The following NPAS2 variants were observed in gnomAD, a reference collection of about 807,000 sequenced individuals.
NPAS2 encodes neuronal PAS domain protein 2.
In NPAS2, 23 loss-of-function variants were observed where a neutral mutation model predicts 107.5. The ratio of observed to expected loss-of-function variants is 0.21; its 90% CI spans 0.15 to 0.30. The LOEUF (loss-of-function observed/expected upper bound fraction) is 0.30, where lower values mean the gene tolerates loss of function less well. NPAS2 is among the 10% of genes least tolerant of loss of function. The pLI is 1.00. For synonymous variants in NPAS2, 403 were observed against 417.5 expected, an observed-to-expected ratio of 0.97 and a Z score of 0.42; for missense variants, 756 against 1,043.3, an observed-to-expected ratio of 0.72 and a Z score of 3.79.
intron 19 of NPAS2, among the ~76,000 whole-genome samples, 200 bp downstream of exon 19, chr2:100,991,072 G>T (rs1023677673): frequency 6.6e-6 from 1 of 152,170 alleles, no homozygotes; most frequent in South Asian, 2.1e-4. Flanking sequence ...AAAACTCAGC[G>T]CTCCATGCTT....
At chr2:100,929,285 A>C (rs66691607) in intron 3 of NPAS2, among the ~76,000 whole-genome samples, 22,713 of 152,140 alleles carry the variant, frequency 0.15, 1,906 homozygotes, top group South Asian at 0.18. Context: ...GACAGCCAGG[A>C]AAATGTGGAA....
At chr2:100,934,267 A>G (rs887434782) in intron 4 of NPAS2, 3 of 151,970 alleles carry the variant, frequency 2.0e-5, no homozygotes, top group African/African-American at 7.2e-5. Context: ...TAGTTAAAAC[A>G]CATAACCCTA....
Position 100,933,621 on chromosome 2 carries a change from G to A in NPAS2, c.273+620G>A, listed in dbSNP as rs957559400. On this transcript the variant is annotated intron_variant, in intron 4 of 20. Transcript: ENST00000335681. ...GGGCCGTATTTGTGAAAACCTGGCT[G>A]ATCTAAATGAGTCCCTTTCCTCAAC... Among the ~76,000 whole-genome samples, 42 of 152,164 alleles carry A rather than the reference G, an allele frequency of 2.8e-4. 1 individual carries two copies. The highest frequency in any genetic ancestry group is 9.9e-4 in the African/African-American group (41 of 41,434).
At chr2:100,954,932 T>C (rs1201526691) in intron 7 of NPAS2, among the ~76,000 whole-genome samples, 1 of 151,916 alleles carries the variant, frequency 6.6e-6, no homozygotes, top group African/African-American at 2.4e-5. Context: ...GGTTGGAGTG[T>C]AGTGGCGTGA....
chr2:100,931,988 T>G (rs967442295), intron 3 of NPAS2, among the ~76,000 whole-genome samples: 3 of 152,206 alleles, frequency 2.0e-5, no homozygotes, highest in Admixed American at 2.0e-4. Context: ...CTCCAGGAAG[T>G]TGTTAAACAG....
At chr2:100,848,497 TC>T (rs779976797) in intron 1 of NPAS2, among the ~76,000 whole-genome samples, 1 of 152,058 alleles carries the variant, frequency 6.6e-6, no homozygotes, top group Non-Finnish European at 1.5e-5. Flanking sequence ...AAAAGAGAAT[TC>T]CCAAAGCCTG....
chr2:100,901,757 C>T (rs1171985040), intron 1 of NPAS2, among the ~76,000 whole-genome samples: 2 of 152,116 alleles, frequency 1.3e-5, no homozygotes, highest in African/African-American at 4.8e-5. Context: ...CGTTCCCCAC[C>T]TCAGGTAACC....
intron 20 of NPAS2, chr2:100,994,070 G>A (rs1221969676): frequency 6.6e-6 from 1 of 152,324 alleles, no homozygotes; most frequent in Non-Finnish European, 1.5e-5. Flanking sequence ...AAAGCAGGGA[G>A]GGTGAGAGCC....
At chr2:100,934,738 C>T in intron 4 of NPAS2, 2 of 972,212 alleles carry the variant, frequency 2.1e-6, no homozygotes, top group Non-Finnish European at 2.4e-6. Context: ...TCCCTGGTGG[C>T]CTGAGCCCCA....
Position 100,824,192 on chromosome 2 carries a change from C to A in NPAS2, c.-23+3778C>A, listed in dbSNP as rs114946639. On this transcript the variant is annotated intron_variant, in intron 1 of 20. Transcript: ENST00000335681. Reference sequence around the variant, plus strand: ...CCATGTAGTTCACCAATTAGAGATTCAATTTGGTTTACCAGCAAACCCAAG... The same window carrying A: ...CCATGTAGTTCACCAATTAGAGATTAAATTTGGTTTACCAGCAAACCCAAG... Among the ~76,000 whole-genome samples, 623 of 152,232 alleles carry A rather than the reference C, an allele frequency of 4.1e-3. 8 individuals carry two copies. Among genetic ancestry groups the A allele is most frequent in the African/African-American group, 0.014 (589 of 41,528 alleles).
chr2:100,853,705 A>G (rs888151460), intron 1 of NPAS2, among the ~76,000 whole-genome samples: 4 of 152,134 alleles, frequency 2.6e-5, no homozygotes, highest in African/African-American at 9.7e-5. Flanking sequence ...CAGTGAGGTA[A>G]GACGGTGGAC....
chr2:100,950,912 G>T (rs1323782117), intron 7 of NPAS2, among the ~76,000 whole-genome samples: 1 of 152,202 alleles, frequency 6.6e-6, no homozygotes, highest in Non-Finnish European at 1.5e-5. Context: ...ACCACACAAA[G>T]AAGTAAATGG....
rs1254643746 is a variant in NPAS2, at chr2:100,965,153, G to A, written c.800+210G>A. Among the ~76,000 whole-genome samples, 2 of 152,164 alleles carry A rather than the reference G, an allele frequency of 1.3e-5. No individual in the cohort carries two copies. The highest frequency in any genetic ancestry group is 4.8e-5 in the African/African-American group (2 of 41,458). ...AATATGTTCTGTGTTTGGGTCTGAT[G>A]GCTCAGCCCCGGGCCATCTTTGGGA... On this transcript the variant is annotated intron_variant, in intron 9 of 20. Coordinates refer to ENST00000335681, the MANE Select transcript of NPAS2 (RefSeq NM_002518.4). This position sits in a 1 kb window ranked among gnomAD's most constrained non-coding sequence, Gnocchi z 4.3.
At chr2:100,895,324 C>T (rs1681338492) in intron 1 of NPAS2, among the ~76,000 whole-genome samples, 1 of 152,222 alleles carries the variant, frequency 6.6e-6, no homozygotes, top group African/African-American at 2.4e-5. Context: ...CTCTCTTATG[C>T]TGTCTCACAG....
intron 1 of NPAS2, among the ~76,000 whole-genome samples, chr2:100,821,540 C>T (rs1489512684): frequency 6.6e-6 from 1 of 152,186 alleles, no homozygotes; most frequent in African/African-American, 2.4e-5. Context: ...CATTTAGAAC[C>T]CAAACCTTAT....
intron 16 of NPAS2, chr2:100,983,809 C>G (rs1677616595): frequency 6.6e-6 from 1 of 152,220 alleles, no homozygotes; most frequent in South Asian, 2.1e-4. Flanking sequence ...GAATATTTTT[C>G]TCACTGATCC....
intron 1 of NPAS2, chr2:100,822,730 T>C (rs974643369): frequency 6.6e-6 from 1 of 152,222 alleles, no homozygotes; most frequent in Non-Finnish European, 1.5e-5. Flanking sequence ...ACATGAATCG[T>C]CGGTTCTCCC....
chr2:100,878,695 T>G (rs1227771932), intron 1 of NPAS2: 3 of 721,494 alleles, frequency 4.2e-6, no homozygotes, highest in Non-Finnish European at 5.1e-6. Context: ...ATTTTGTAGA[T>G]TCTCACTGAT....
At chr2:100,956,586 T>C (rs1463830401) in intron 7 of NPAS2, among the ~76,000 whole-genome samples, 3 of 152,164 alleles carry the variant, frequency 2.0e-5, no homozygotes, top group African/African-American at 4.8e-5. Context: ...GCTAACGCGC[T>C]CTCTTCTTGC....
Sources: allele counts gnomAD v4.1 joint callset (sites outside exome capture counted in the v4.1 genomes callset), GRCh38; gene constraint gnomAD v4.1.1; non-coding constraint Gnocchi (gnomAD v3.1); transcripts MANE v1.5; gene names NCBI Gene and HGNC (gene_info 2026-07-23, HGNC 2026-07-21).